The following DPYD variants were observed in gnomAD, a reference collection of about 807,000 sequenced individuals.
DPYD encodes dihydropyrimidine dehydrogenase, also known as dihydropyrimidine dehydrogenase [NADP(+)].
Under a neutral mutation model 116.2 loss-of-function variants are expected in DPYD, and 109 were observed. The ratio of observed to expected loss-of-function variants is 0.94; its 90% CI spans 0.80 to 1.10. DPYD has a LOEUF of 1.10. Among genes scored for constraint, DPYD ranks in the 50% least tolerant of loss-of-function variants. The pLI is 0.00. For missense variants in DPYD, 1,302 were observed against 1,254.5 expected (o/e 1.04, Z -0.57); for synonymous variants, 440 against 432.0 (o/e 1.02, Z -0.23).
intron 19 of DPYD, among the ~76,000 whole-genome samples, chr1:97,230,617 C>T (rs148869592): frequency 6.6e-6 from 1 of 151,912 alleles, no homozygotes. Context: ...GCACACGTAC[C>T]CTGAACTTAA....
At chr1:97,496,844 T>C (rs1679292642) in intron 13 of DPYD, among the ~76,000 whole-genome samples, 1 of 151,958 alleles carries the variant, frequency 6.6e-6, no homozygotes, top group African/African-American at 2.4e-5. Flanking sequence ...TTGTATCTTA[T>C]TGTTATACAA....
intron 20 of DPYD, among the ~76,000 whole-genome samples, chr1:97,171,746 A>C (rs1288152539): frequency 6.6e-6 from 1 of 152,252 alleles, no homozygotes; most frequent in African/African-American, 2.4e-5. Context: ...TATCATGATT[A>C]TCAATTCTAC....
At chr1:97,139,190 C>T (rs150961162) in intron 20 of DPYD, among the ~76,000 whole-genome samples, 235 of 152,122 alleles carry the variant, frequency 1.5e-3, no homozygotes, top group African/African-American at 5.3e-3. Flanking sequence ...CTGATCGATG[C>T]CAGATTCGGT....
intron 8 of DPYD, among the ~76,000 whole-genome samples, chr1:97,633,698 T>G (rs1468354824): frequency 1.3e-5 from 2 of 152,050 alleles, no homozygotes; most frequent in Non-Finnish European, 2.9e-5. Flanking sequence ...AATATTTACA[T>G]GGATAGGAAT....
intron 16 of DPYD, among the ~76,000 whole-genome samples, chr1:97,357,714 G>A (rs933673495): frequency 1.3e-5 from 2 of 152,086 alleles, no homozygotes; most frequent in African/African-American, 4.8e-5. Flanking sequence ...TGAGTCTCCA[G>A]TGACTATTAT....
chr1:97,196,842 T>C (rs1658850402), intron 19 of DPYD, among the ~76,000 whole-genome samples: 1 of 152,172 alleles, frequency 6.6e-6, no homozygotes, highest in South Asian at 2.1e-4. Context: ...ACAAATACTT[T>C]CCTACAACTA....
intron 16 of DPYD, among the ~76,000 whole-genome samples, chr1:97,352,735 C>G (rs143274171): frequency 7.2e-5 from 11 of 152,184 alleles, no homozygotes; most frequent in African/African-American, 2.6e-4. Context: ...TGGCACTCCT[C>G]CGGACACGTG....
chr1:97,496,222 T>G (rs1679257310), intron 13 of DPYD, among the ~76,000 whole-genome samples: 1 of 152,096 alleles, frequency 6.6e-6, no homozygotes. Flanking sequence ...ACGTTCACTT[T>G]GCTCTAGATA....
chr1:97,290,911 G>A (rs1393733188), intron 18 of DPYD, among the ~76,000 whole-genome samples: 1 of 151,734 alleles, frequency 6.6e-6, no homozygotes, highest in Non-Finnish European at 1.5e-5. Flanking sequence ...CCTACAAAAT[G>A]GGAGAAAATT....
chr1:97,498,886 A>T (rs1040385156), intron 13 of DPYD, among the ~76,000 whole-genome samples: 44 of 151,700 alleles, frequency 2.9e-4, no homozygotes, highest in African/African-American at 9.7e-4. Flanking sequence ...AGAAAACAAC[A>T]TTGAAATTTA....
chr1:97,780,448 A>T (rs1026397951), intron 3 of DPYD, among the ~76,000 whole-genome samples: 1 of 152,226 alleles, frequency 6.6e-6, no homozygotes, highest in Non-Finnish European at 1.5e-5. Context: ...CATAATGCTT[A>T]GTTTAATTAC....
intron 20 of DPYD, among the ~76,000 whole-genome samples, chr1:97,123,354 G>C (rs1296935660): frequency 6.6e-6 from 1 of 151,962 alleles, no homozygotes; most frequent in East Asian, 1.9e-4. Flanking sequence ...AATTTAACTA[G>C]TTCATTGAGA....
chr1:97,213,951 G>A (rs1032881030), intron 19 of DPYD, among the ~76,000 whole-genome samples: 6 of 152,068 alleles, frequency 3.9e-5, no homozygotes, highest in African/African-American at 1.2e-4. Flanking sequence ...CACATGTGCC[G>A]TCTGCTTGTC....
At chr1:97,213,224 G>A (rs1428907355) in intron 19 of DPYD, among the ~76,000 whole-genome samples, 3 of 151,894 alleles carry the variant, frequency 2.0e-5, no homozygotes, top group African/African-American at 7.3e-5. Context: ...CATTTTGGGG[G>A]GACACAAACA....
At chr1:97,335,079 TTCA>T (rs1178949223) in intron 16 of DPYD, among the ~76,000 whole-genome samples, 2 of 152,156 alleles carry the variant, frequency 1.3e-5, no homozygotes, top group African/African-American at 2.4e-5. Context: ...TCCTGTGTTT[TTCA>T]TCATGCTTTC....
At chr1:97,867,698 C>T (rs1292260871) in intron 2 of DPYD, among the ~76,000 whole-genome samples, 1 of 151,682 alleles carries the variant, frequency 6.6e-6, no homozygotes, top group African/African-American at 2.4e-5. Flanking sequence ...ATACTGTAAT[C>T]ATTAGGTGTA....
At chr1:97,625,822 G>T (rs971638086) in intron 8 of DPYD, among the ~76,000 whole-genome samples, 2 of 151,860 alleles carry the variant, frequency 1.3e-5, no homozygotes, top group Non-Finnish European at 2.9e-5. Flanking sequence ...GTGATACTTT[G>T]TTATGGCAGC....
intron 2 of DPYD, among the ~76,000 whole-genome samples, chr1:97,870,363 G>A (rs1333624825): frequency 6.6e-6 from 1 of 151,818 alleles, no homozygotes; most frequent in Non-Finnish European, 1.5e-5. Context: ...ACAAAAATAT[G>A]AAATGCAGTT....
At chr1:97,547,694 G>A (rs1325470665) in intron 12 of DPYD, among the ~76,000 whole-genome samples, 1 of 150,626 alleles carries the variant, frequency 6.6e-6, no homozygotes, top group East Asian at 1.9e-4. Context: ...TGTTGTTGTT[G>A]TTTAAAGATG....
Sources: allele counts gnomAD v4.1 joint callset (sites outside exome capture counted in the v4.1 genomes callset), GRCh38; gene constraint gnomAD v4.1.1; transcripts MANE v1.5; gene names NCBI Gene and HGNC (gene_info 2026-07-23, HGNC 2026-07-21).